The following PCDHA12 variants were observed in gnomAD, a reference collection of about 807,000 sequenced individuals.
PCDHA12 encodes the protein protocadherin alpha 12, also known as protocadherin alpha-12.
PCDHA12 carries 44 observed loss-of-function variants against 60.0 expected under a neutral mutation model. The observed-to-expected ratio is 0.73, with a 90% CI of 0.58 to 0.94. PCDHA12 has a LOEUF of 0.94. Ranked by LOEUF, PCDHA12 falls within the 40% of genes least tolerant of loss-of-function variation. The pLI, the probability that PCDHA12 is intolerant of heterozygous loss-of-function variation, is 0.00. For missense variants in PCDHA12, 1,276 were observed against 1,239.7 expected (o/e 1.03, Z -0.44); for synonymous variants, 569 against 553.0 (o/e 1.03, Z -0.40).
At chr5:140,921,131 C>T (rs532456439) in intron 1 of PCDHA12, among the ~76,000 whole-genome samples, 9 of 132,934 alleles carry the variant, frequency 6.8e-5, no homozygotes, top group Non-Finnish European at 1.1e-4. Context: ...CAGGTGCACA[C>T]CACTACACCC....
intron 3 of PCDHA12, among the ~76,000 whole-genome samples, chr5:141,000,775 C>G (rs919489031): frequency 5.3e-5 from 8 of 151,752 alleles, no homozygotes; most frequent in African/African-American, 1.9e-4. Context: ...GGCATAGTGG[C>G]GCACACCTGT....
At chr5:140,912,578 A>G (rs2075983045) in intron 1 of PCDHA12, among the ~76,000 whole-genome samples, 1 of 152,052 alleles carries the variant, frequency 6.6e-6, no homozygotes, top group Admixed American at 6.5e-5. Context: ...CCTCTTTTCC[A>G]ATTTGGATGC....
At chr5:140,886,101 A>G (rs1554182351) in intron 1 of PCDHA12, among the ~76,000 whole-genome samples, 1 of 152,228 alleles carries the variant, frequency 6.6e-6, no homozygotes, top group Admixed American at 6.5e-5. Context: ...ACATTGATAC[A>G]GTAAAGAAGT....
At chr5:140,947,896 G>A (rs1355775996) in intron 1 of PCDHA12, among the ~76,000 whole-genome samples, 5 of 151,478 alleles carry the variant, frequency 3.3e-5, no homozygotes, top group Non-Finnish European at 7.4e-5. Context: ...AACAGAAGTG[G>A]TGAGAGCAGA....
chr5:140,921,741 A>AT (rs1554200411), intron 1 of PCDHA12, among the ~76,000 whole-genome samples: 1 of 152,202 alleles, frequency 6.6e-6, no homozygotes, highest in Non-Finnish European at 1.5e-5. Context: ...AATTATAAGC[A>AT]TAACAGGACA....
At chr5:140,993,081 A>G (rs966669704) in intron 3 of PCDHA12, among the ~76,000 whole-genome samples, 34 of 152,234 alleles carry the variant, frequency 2.2e-4, no homozygotes, top group Non-Finnish European at 2.8e-4. Flanking sequence ...GTCTGCAATC[A>G]GCAGGGCTAT....
At chr5:140,951,767 G>A (rs561938687) in intron 1 of PCDHA12, among the ~76,000 whole-genome samples, 2 of 152,160 alleles carry the variant, frequency 1.3e-5, no homozygotes, top group South Asian at 2.1e-4. Context: ...ATCTCATGAC[G>A]TTCTTACATT....
chr5:140,982,963 A>G (rs2097017646), intron 3 of PCDHA12, among the ~76,000 whole-genome samples: 1 of 151,972 alleles, frequency 6.6e-6, no homozygotes, highest in South Asian at 2.1e-4. Context: ...AAACCCACCC[A>G]AAGTAGTAAG....
rs2153341413 is a variant in PCDHA12 at position 140,876,486 on chromosome 5, G to T, written c.1014G>T (p.Val338=). 1 of 1,614,014 alleles carries T rather than the reference G, an allele frequency of 6.2e-7. No individual in the cohort carries two copies. The highest frequency in any genetic ancestry group is 8.5e-7 in the Non-Finnish European group (1 of 1,179,892). ...PSMAGHSMVL[V]EVLDVNDNVP... ...TGGCAGGTCACAGCATGGTCCTGGT[G>T]GAAGTTCTGGACGTGAATGACAATG... Residue 338 remains valine (V), a synonymous_variant, in exon 1 of 4, where the codon GTG becomes GTT. Coordinates refer to ENST00000398631, the MANE Select transcript of PCDHA12 (RefSeq NM_018903.4).
chr5:140,934,912 T>C (rs534779508), intron 1 of PCDHA12, among the ~76,000 whole-genome samples: 1 of 152,318 alleles, frequency 6.6e-6, no homozygotes, highest in Admixed American at 6.5e-5. Context: ...GGAATAATTA[T>C]GGATTCACAT....
At chr5:141,004,331 C>G (rs1244942275) in intron 3 of PCDHA12, among the ~76,000 whole-genome samples, 1 of 152,210 alleles carries the variant, frequency 6.6e-6, no homozygotes, top group Non-Finnish European at 1.5e-5. Flanking sequence ...AGGTGAGGCA[C>G]AGTGGTCTGT....
At chr5:140,890,313 G>T (rs1191082730) in intron 1 of PCDHA12, among the ~76,000 whole-genome samples, 2 of 152,112 alleles carry the variant, frequency 1.3e-5, no homozygotes, top group South Asian at 2.1e-4. Context: ...ATATTAAGTT[G>T]TTTTAAGATA....
At chr5:140,925,966 A>G (rs782294082) in intron 1 of PCDHA12, among the ~76,000 whole-genome samples, 2 of 149,366 alleles carry the variant, frequency 1.3e-5, no homozygotes, top group Non-Finnish European at 3.0e-5. Flanking sequence ...CTATCACGCA[A>G]AAAAAAAGCC....
chr5:140,913,531 A>T (rs1451484656), intron 1 of PCDHA12, among the ~76,000 whole-genome samples: 1 of 151,914 alleles, frequency 6.6e-6, no homozygotes, highest in Admixed American at 6.6e-5. Flanking sequence ...TTTTCAAAAG[A>T]TTGACTTTTT....
intron 1 of PCDHA12, chr5:140,969,314 G>T (rs200006206): frequency 6.2e-7 from 1 of 1,614,150 alleles, no homozygotes; most frequent in African/African-American, 1.3e-5. Context: ...CAAAAATGAG[G>T]CTGTTTCTCA....
At chr5:140,884,563 T>G in intron 1 of PCDHA12, 4 of 1,614,150 alleles carry the variant, frequency 2.5e-6, no homozygotes, top group Non-Finnish European at 3.4e-6. Context: ...AGGGCCCGCA[T>G]AAGACGGACC....
chr5:140,924,931 T>C (rs1414085243), intron 1 of PCDHA12, among the ~76,000 whole-genome samples: 1 of 125,890 alleles, frequency 7.9e-6, no homozygotes, highest in Admixed American at 8.0e-5. Context: ...TAAAATAAAA[T>C]AAAATAAAAA....
chr5:140,882,046 TACTTAC>T lies in PCDHA12; in HGVS notation c.2367+4216_2367+4221del, dbSNP rs2058922100. The T allele has an allele frequency of 1.6e-5, 12 of 728,060 alleles. No homozygotes were observed. In the South Asian group the frequency reaches 2.5e-4, roughly 15 times the overall value. 45.1% of individuals were successfully genotyped at this position (728,060 alleles called of 1,614,324 possible). ...AATGGAAAATATGAAGACTGAGTCA[TACTTAC>T]ACTTACACGTTCATGCGCATGGTGT... is the stretch of plus-strand genomic sequence containing the variant. On this transcript the variant is annotated intron_variant, in intron 1 of 3. Coordinates refer to ENST00000398631, the MANE Select transcript of PCDHA12 (RefSeq NM_018903.4).
intron 3 of PCDHA12, among the ~76,000 whole-genome samples, chr5:140,984,056 G>A (rs569184437): frequency 6.6e-6 from 1 of 152,318 alleles, no homozygotes; most frequent in African/African-American, 2.4e-5. Context: ...TGACAAATCT[G>A]TACCCTCAGT....
Sources: gnomAD v4.1 joint callset for allele counts (sites outside exome capture counted in the v4.1 genomes callset) on GRCh38, gnomAD v4.1.1 for gene constraint, MANE v1.5 for transcripts, NCBI Gene and HGNC (gene_info 2026-07-23, HGNC 2026-07-21) for gene names.